The following PIGK variants were observed in gnomAD, a reference collection of about 807,000 sequenced individuals.
The protein encoded by PIGK is GPI-anchor transamidase.
Under a neutral mutation model 50.6 loss-of-function variants are expected in PIGK, and 42 were observed. The ratio of observed to expected loss-of-function variants is 0.83; its 90% CI spans 0.65 to 1.07. The LOEUF (loss-of-function observed/expected upper bound fraction) is 1.07, where lower values mean the gene tolerates loss of function less well. Among genes scored for constraint, PIGK ranks in the 50% least tolerant of loss-of-function variants. The probability of loss-of-function intolerance (pLI) is 0.00; values close to 1 mark genes in which losing one functional copy is unlikely to be tolerated. For synonymous variants in PIGK, 151 were observed against 156.0 expected (o/e 0.97, Z 0.24); for missense variants, 448 against 488.7 (o/e 0.92, Z 0.78).
chr1:77,130,398 G>A (rs1444285808), intron 9 of PIGK, among the ~76,000 whole-genome samples: 4 of 139,970 alleles, frequency 2.9e-5, no homozygotes, highest in Non-Finnish European at 4.6e-5. Flanking sequence ...TTGTTTTTAC[G>A]TACAGTGTAA....
At chr1:77,204,237 T>C (rs1373576901) in intron 3 of PIGK, among the ~76,000 whole-genome samples, 2 of 152,192 alleles carry the variant, frequency 1.3e-5, no homozygotes, top group Admixed American at 1.3e-4. Context: ...AATGTCTGTC[T>C]TATACGGTTG....
chr1:77,133,135 T>C (rs1159201573), intron 9 of PIGK, among the ~76,000 whole-genome samples: 2 of 152,160 alleles, frequency 1.3e-5, no homozygotes, highest in African/African-American at 4.8e-5. Flanking sequence ...TAGTTTGGGA[T>C]GTTATTTACA....
At chr1:77,107,872 T>C (rs1044129339) in intron 10 of PIGK, among the ~76,000 whole-genome samples, 1 of 152,180 alleles carries the variant, frequency 6.6e-6, no homozygotes, top group African/African-American at 2.4e-5. Context: ...TTGATCTTTG[T>C]TGGTTTAAAG....
chr1:77,092,710 A>C (rs1194710917), intron 10 of PIGK, among the ~76,000 whole-genome samples: 1 of 152,100 alleles, frequency 6.6e-6, no homozygotes, highest in Non-Finnish European at 1.5e-5. Context: ...GTTTCAGCTT[A>C]TATTTTGTTT....
At chr1:77,167,134 A>G (rs943892909) in intron 4 of PIGK, among the ~76,000 whole-genome samples, 1 of 152,158 alleles carries the variant, frequency 6.6e-6, no homozygotes, top group African/African-American at 2.4e-5. Flanking sequence ...TGTGGGCAGG[A>G]GTTCAAGATC....
intron 3 of PIGK, among the ~76,000 whole-genome samples, chr1:77,190,818 C>A (rs1655886813): frequency 6.6e-6 from 1 of 152,134 alleles, no homozygotes; most frequent in African/African-American, 2.4e-5. Context: ...TTCTTTTCAG[C>A]CACCAGGACT....
chr1:77,090,866 C>G lies in PIGK; in HGVS notation c.*1508G>C, dbSNP rs1570172499. Reference sequence around the variant, plus strand: ...AAAAAGATCAATTAAAATAAAGATTCAGAGCTGGCAAAAAGCCTCAATATC... The same window carrying G: ...AAAAAGATCAATTAAAATAAAGATTGAGAGCTGGCAAAAAGCCTCAATATC... On this transcript the variant is annotated 3_prime_UTR_variant, in exon 11 of 11. Coordinates refer to ENST00000370812, the MANE Select transcript of PIGK (RefSeq NM_005482.3). 1 of 152,126 alleles carries G rather than the reference C, an allele frequency of 6.6e-6. No homozygotes were observed. Among genetic ancestry groups the G allele is most frequent in the Admixed American group, 6.5e-5 (1 of 15,268 alleles). 9.4% of individuals were successfully genotyped at this position (152,126 alleles called of 1,614,324 possible). A position where few individuals can be genotyped will look rare whatever the true frequency, so the allele number is the denominator to read the frequency against.
rs578116546 is a variant in PIGK at position 77,165,597 on chromosome 1, T to C, written c.487+1122A>G. Among the ~76,000 whole-genome samples the C allele has an allele frequency of 2.0e-3, 277 of 138,038 alleles. 3 individuals carry two copies. Among genetic ancestry groups the C allele is most frequent in the Middle Eastern group, 0.018 (5 of 280 alleles). 90.6% of individuals were successfully genotyped at this position (138,038 alleles called of 152,430 possible). A position where few individuals can be genotyped will look rare whatever the true frequency, so the allele number is the denominator to read the frequency against. On this transcript the variant is annotated intron_variant, in intron 5 of 10. Coordinates refer to ENST00000370812, the MANE Select transcript of PIGK (RefSeq NM_005482.3). ...CGAATACTACTACAAGACAGGCAAC[T>C]GGTGATAAAAAAAAAAAAAAGCAAG...
In PIGK at chr1:77,122,480, G is replaced by A. The variant is rs576702276; in HGVS notation, c.987-121C>T. The A allele has an allele frequency of 2.9e-4, 177 of 610,984 alleles. 2 individuals carry two copies. In the South Asian group the frequency reaches 3.9e-3, roughly 13 times the overall value. 37.8% of individuals were successfully genotyped at this position (610,984 alleles called of 1,614,324 possible). A position where few individuals can be genotyped will look rare whatever the true frequency, so the allele number is the denominator to read the frequency against. ...GCATAGATTTTTTTTGAAATAATCA[G>A]TATTTATCAATAATCTTTGAAACAC... On this transcript the variant is annotated intron_variant, in intron 9 of 10. Transcript: ENST00000370812.
rs540409169 is a variant in PIGK at position 77,108,521 on chromosome 1, C to T, written c.1071+13754G>A. Among the ~76,000 whole-genome samples the T allele has an allele frequency of 7.1e-3, 1,062 of 149,996 alleles. 10 individuals carry two copies. The highest frequency in any genetic ancestry group is 0.011 in the Admixed American group (169 of 15,078). On this transcript the variant is annotated intron_variant, in intron 10 of 10. Coordinates refer to ENST00000370812, the MANE Select transcript of PIGK (RefSeq NM_005482.3). ...GACCTTTCTCTCTGGCTGCCCTTAA[C>T]ATTTTTTCCTTCATTTCAACTTTGG...
intron 1 of PIGK, among the ~76,000 whole-genome samples, chr1:77,214,650 G>A (rs1490040875): frequency 6.6e-6 from 1 of 152,074 alleles, no homozygotes; most frequent in African/African-American, 2.4e-5. Context: ...GTTCTAGCCA[G>A]AGCAATTAAT....
intron 3 of PIGK, among the ~76,000 whole-genome samples, chr1:77,188,110 T>C (rs964744256): frequency 6.6e-6 from 1 of 152,188 alleles, no homozygotes; most frequent in Admixed American, 6.5e-5. Context: ...TTGAGCAATA[T>C]GAAATGTGGG....
chr1:77,096,668 T>C (rs1208426984), intron 10 of PIGK, among the ~76,000 whole-genome samples: 1 of 152,176 alleles, frequency 6.6e-6, no homozygotes, highest in Admixed American at 6.5e-5. Flanking sequence ...ACTGCCCAGC[T>C]AAACTCATCC....
chr1:77,107,971 G>A (rs1014527674), intron 10 of PIGK, among the ~76,000 whole-genome samples: 1 of 151,934 alleles, frequency 6.6e-6, no homozygotes, highest in Non-Finnish European at 1.5e-5. Flanking sequence ...TTTATTTTGA[G>A]CCTATGTGAG....
chr1:77,175,594 G>A (rs2134353), intron 3 of PIGK, among the ~76,000 whole-genome samples: 26,673 of 152,118 alleles, frequency 0.18, 2,542 homozygotes, highest in East Asian at 0.36. Context: ...GAAAGCATGA[G>A]AATGTAAATT....
rs775426124 is a variant in PIGK, at chr1:77,161,419, G to T, written c.703-14C>A. The stretch of plus-strand genomic sequence containing the variant: ...ATCAGGTTGATGCTATGGAAAGGGG[G>T]AAAAAAAGTATTTCTAACAGTATCA... On this transcript the variant is annotated splice_polypyrimidine_tract_variant and intron_variant, in intron 7 of 10. Coordinates refer to ENST00000370812, the MANE Select transcript of PIGK (RefSeq NM_005482.3). 3 of 1,356,026 alleles carry T rather than the reference G, an allele frequency of 2.2e-6. No individual in the cohort carries two copies. Among genetic ancestry groups the T allele is most frequent in the Non-Finnish European group, 3.2e-6 (3 of 949,366 alleles). The allele number at this position is 1,356,026 out of a possible 1,614,324, so 84.0% of individuals were successfully genotyped here.
At chr1:77,192,491 C>T (rs839794) in intron 3 of PIGK, among the ~76,000 whole-genome samples, 24,257 of 151,912 alleles carry the variant, frequency 0.16, 3,105 homozygotes, top group African/African-American at 0.36. Flanking sequence ...TTAAACTTTA[C>T]GGAATAATGG....
chr1:77,089,922 A>G lies in PIGK; in HGVS notation c.*2452T>C, dbSNP rs1200857362. The G allele has an allele frequency of 6.6e-6, 1 of 152,240 alleles. No individual in the cohort carries two copies. Among genetic ancestry groups the G allele is most frequent in the African/African-American group, 2.4e-5 (1 of 41,438 alleles). 9.4% of individuals were successfully genotyped at this position (152,240 alleles called of 1,614,324 possible). A position where few individuals can be genotyped will look rare whatever the true frequency, so the allele number is the denominator to read the frequency against. On this transcript the variant is annotated 3_prime_UTR_variant, in exon 11 of 11. Coordinates refer to ENST00000370812, the MANE Select transcript of PIGK (RefSeq NM_005482.3). ...CATCTGCAGGGATTCATTTATCTAC[A>G]TTCCTTTTCTCTCTGAAGGACACCA...
intron 10 of PIGK, among the ~76,000 whole-genome samples, chr1:77,107,828 C>G (rs1039937879): frequency 1.3e-5 from 2 of 152,182 alleles, no homozygotes; most frequent in African/African-American, 4.8e-5. Flanking sequence ...GAATTGATCC[C>G]TATACCATTA....
Sources: gnomAD v4.1 joint callset for allele counts (sites outside exome capture counted in the v4.1 genomes callset) on GRCh38, gnomAD v4.1.1 for gene constraint, MANE v1.5 for transcripts, NCBI Gene and HGNC (gene_info 2026-07-23, HGNC 2026-07-21) for gene names.